MYO7A: variants seen among roughly 807,000 people sequenced by gnomAD.
MYO7A encodes the protein unconventional myosin-VIIa.
Under a neutral mutation model 263.8 loss-of-function variants are expected in MYO7A, and 210 were observed. The ratio of observed to expected loss-of-function variants is 0.80; its 90% CI spans 0.71 to 0.89. The LOEUF (loss-of-function observed/expected upper bound fraction) is 0.89, where lower values mean the gene tolerates loss of function less well. Ranked by LOEUF, MYO7A falls within the 40% of genes least tolerant of loss-of-function variation. MYO7A has a pLI of 0.00. For missense variants in MYO7A, 2,820 were observed against 2,968.3 expected, an observed-to-expected ratio of 0.95 and a Z score of 1.16; for synonymous variants, 1,239 against 1,197.3, an observed-to-expected ratio of 1.03 and a Z score of -0.72.
chr11:77,194,132 C>A (rs1451316171), intron 31 of MYO7A: 4 of 697,998 alleles, frequency 5.7e-6, no homozygotes, highest in Non-Finnish European at 1.0e-5. Flanking sequence ...CCAGAGGGAT[C>A]CAGGAGAAGG....
At chr11:77,209,859 A>ACCC (rs1443716262) in intron 44 of MYO7A, among the ~76,000 whole-genome samples, 4 of 151,996 alleles carry the variant, frequency 2.6e-5, no homozygotes, top group Non-Finnish European at 5.9e-5. Flanking sequence ...GTAGGGCATA[A>ACCC]CCCCCGTCCT....
chr11:77,207,213 C>T (rs1957498316), intron 41 of MYO7A, 76 bp from the exon 42 acceptor site: 2 of 1,021,090 alleles, frequency 2.0e-6, no homozygotes, highest in Admixed American at 4.1e-5. Context: ...GTATAGGAGG[C>T]ATAGCCAGAG....
intron 16 of MYO7A, among the ~76,000 whole-genome samples, chr11:77,173,694 G>T (rs1038222029): frequency 1.3e-5 from 2 of 152,148 alleles, no homozygotes; most frequent in Admixed American, 1.3e-4. Context: ...GAAGGCCGGG[G>T]AAAGTGGCCC....
chr11:77,156,124 G>C (rs1555061971), intron 5 of MYO7A, 33 bp downstream of exon 5: 1 of 1,607,530 alleles, frequency 6.2e-7, no homozygotes, highest in Admixed American at 1.7e-5. Context: ...GGAGCTCCAG[G>C]CTTAGGACCT....
At position 77,138,812 on chromosome 11, in the gene MYO7A, G is replaced by A. The variant is rs1205209524; in HGVS notation, c.19-3897G>A. 1.3e-5 allele frequency among the ~76,000 whole-genome samples: 2 copies of A among 152,236 alleles called. No individual in the cohort carries two copies. Among genetic ancestry groups the A allele is most frequent in the African/African-American group, 4.8e-5 (2 of 41,466 alleles). ...TGGTCTCCTCTCCAAACTATGTTTA[G>A]CAACTAGACACTAGCAAGATGCTTG... On this transcript the variant is annotated intron_variant, in intron 2 of 48. Transcript: ENST00000409709. The surrounding 1 kb of genome is among the most constrained non-coding windows in gnomAD (Gnocchi z 4.9).
chr11:77,192,231 C>T lies in MYO7A; in HGVS notation c.4105C>T (p.Gln1369Ter), dbSNP rs1565440205. 2.5e-6 allele frequency: 4 copies of T among 1,614,056 alleles called. No homozygotes were observed. Among genetic ancestry groups the T allele is most frequent in the Non-Finnish European group, 3.4e-6 (4 of 1,179,904 alleles). ...CAACGTGGCCACCAACCTCATCTAC[C>T]AGCAGGTGGTGCGAGGAGTCAAGTT... ...EDNVATNLIY[Q>*]QVVRGVKFGE... Residue 1369 changes from glutamine (Q) to a stop codon, truncating the protein, a stop_gained, in exon 31 of 49, where the codon CAG (glutamine) becomes TAG (stop). Coordinates refer to ENST00000409709, the MANE Select transcript of MYO7A (RefSeq NM_000260.4). LOFTEE classifies it high-confidence loss of function.
At chr11:77,204,744 C>G (rs1013481855) in intron 39 of MYO7A, among the ~76,000 whole-genome samples, 1 of 152,222 alleles carries the variant, frequency 6.6e-6, no homozygotes, top group Non-Finnish European at 1.5e-5. Flanking sequence ...GCTCCACCCT[C>G]TCTCCTTACA....
intron 27 of MYO7A, among the ~76,000 whole-genome samples, chr11:77,186,471 C>T (rs1223878863): frequency 6.6e-6 from 1 of 152,208 alleles, no homozygotes. Context: ...TCTAGCTAGA[C>T]CTTCTGGAAA....
intron 2 of MYO7A, 194 bp from the exon 3 acceptor site, chr11:77,142,515 A>G: frequency 1.5e-6 from 1 of 649,162 alleles, no homozygotes; most frequent in South Asian, 1.5e-5. Context: ...GGGGGGATTG[A>G]TGAGATTGCA....
rs3831388 is a variant in MYO7A, at chr11:77,180,262, T to TCTGCCAAATTATTTGG, written c.2587-111_2587-110insTGCCAAATTATTTGGC. 477,993 of 897,080 alleles carry TCTGCCAAATTATTTGG rather than the reference T, an allele frequency of 0.53. 130,645 individuals carry two copies. The highest frequency in any genetic ancestry group is 0.67 in the African/African-American group (39,917 of 59,980). The allele number at this position is 897,080 out of a possible 1,614,324, so 55.6% of individuals were successfully genotyped here. A position where few individuals can be genotyped will look rare whatever the true frequency, so the allele number is the denominator to read the frequency against. ...TTTCTTGATTACCTCACTTGTCCTATCAAAGTCATGCCCAGTTCCAGAACT... is the reference window on the plus strand; with the variant it reads ...TTTCTTGATTACCTCACTTGTCCTATCTGCCAAATTATTTGGCAAAGTCATGCCCAGTTCCAGAACT... On this transcript the variant is annotated intron_variant, in intron 21 of 48. Transcript: ENST00000409709.
At chr11:77,203,411 G>T (rs901085747) in intron 38 of MYO7A, among the ~76,000 whole-genome samples, 194 bp downstream of exon 38, 7 of 152,198 alleles carry the variant, frequency 4.6e-5, no homozygotes, top group Non-Finnish European at 8.8e-5. Flanking sequence ...CTGTCATTTG[G>T]GTGCCAGGTG....
chr11:77,162,166 T>A lies in MYO7A; in HGVS notation c.1390T>A (p.Phe464Ile). 1 of 1,604,210 alleles carries A rather than the reference T, an allele frequency of 6.2e-7. No individual in the cohort carries two copies. Among genetic ancestry groups the A allele is most frequent in the Non-Finnish European group, 8.5e-7 (1 of 1,175,512 alleles). The change falls in exon 13 of 49, where the codon TTC becomes ATC. Residue 464 changes from phenylalanine to isoleucine, a missense_variant. Coordinates refer to ENST00000409709, the MANE Select transcript of MYO7A (RefSeq NM_000260.4). ...CTTCGCCAATGAGCACCTGCAGCAG[T>A]TCTTTGTGCGGCACGTGTTCAAGCT... is the stretch of plus-strand genomic sequence containing the variant. ...INFANEHLQQFFVRHVFKLEQ... is the reference protein window; with the variant it reads ...INFANEHLQQIFVRHVFKLEQ...
intron 33 of MYO7A, among the ~76,000 whole-genome samples, chr11:77,198,119 ACTGGGCAC>A (rs1956800659): frequency 1.3e-5 from 2 of 152,336 alleles, no homozygotes; most frequent in African/African-American, 4.8e-5. Context: ...GGCCATCGTT[ACTGGGCAC>A]CTGCTGTGTG....
At chr11:77,139,258 C>T (rs1448027244) in intron 2 of MYO7A, 3 of 152,260 alleles carry the variant, frequency 2.0e-5, no homozygotes, top group Non-Finnish European at 2.9e-5. Flanking sequence ...TGCTGGCTTT[C>T]CTGGGGGGAG....
chr11:77,181,563 G>T lies in MYO7A; in HGVS notation c.2878G>T (p.Glu960Ter), dbSNP rs782131913. 2 of 1,613,334 alleles carry T rather than the reference G, an allele frequency of 1.2e-6. No homozygotes were observed. Among genetic ancestry groups the T allele is most frequent in the Non-Finnish European group, 1.7e-6 (2 of 1,179,856 alleles). The change falls in exon 23 of 49, where the codon GAG (glutamate) becomes TAG (stop). Residue 960 changes from glutamate to a stop codon, truncating the protein, a stop_gained. Transcript: ENST00000409709. LOFTEE classifies it high-confidence loss of function. ...GACTTCAGGTGGCCTGCCAGGCCAG[G>T]AGGGCCAGGCACCTAGTGGCTTTGA... ...LGTSGGLPGQ[E>*]GQAPSGFEDL...
chr11:77,180,461 G>A lies in MYO7A; in HGVS notation c.2674G>A (p.Glu892Lys), dbSNP rs1555083449. The change falls in exon 22 of 49, where the codon GAG (glutamate) becomes AAG (lysine). Residue 892 changes from glutamate to lysine, a missense_variant. Coordinates refer to ENST00000409709, the MANE Select transcript of MYO7A (RefSeq NM_000260.4). ...GATGAGCGCCAAGAAGGCCAAGGAG[G>A]AGGCCGAGCGCAAGCATCAGGTGAG... is the stretch of plus-strand genomic sequence containing the variant. ...KEMSAKKAKE[E>K]AERKHQERLA... The A allele has an allele frequency of 6.2e-7, 1 of 1,612,274 alleles. No individual in the cohort carries two copies. The highest frequency in any genetic ancestry group is 1.7e-5 in the Admixed American group (1 of 59,992).
At chr11:77,203,253 G>A (rs1196324954) in intron 38 of MYO7A, 36 bp downstream of exon 38, 1 of 1,541,520 alleles carries the variant, frequency 6.5e-7, no homozygotes, top group Non-Finnish European at 8.8e-7. Flanking sequence ...AGGGGAGCCA[G>A]GGACCGGGCA....
At position 77,151,475 on chromosome 11, in the gene MYO7A, G is replaced by A. The variant is rs1469076440; in HGVS notation, c.285+3525G>A. On this transcript the variant is annotated intron_variant, in intron 4 of 48. Coordinates refer to ENST00000409709, the MANE Select transcript of MYO7A (RefSeq NM_000260.4). Reference sequence around the variant, plus strand: ...AAATGCTAACGAAGTCCCCAGAGCCGACAGGCCTGGGCACTTCCTGGAGGA... The same window carrying A: ...AAATGCTAACGAAGTCCCCAGAGCCAACAGGCCTGGGCACTTCCTGGAGGA... 2.6e-5 allele frequency among the ~76,000 whole-genome samples: 4 copies of A among 152,128 alleles called. 1 individual carries two copies. The South Asian group carries it at 6.2e-4, about 24-fold the overall frequency.
rs543757987 is a variant in MYO7A, at chr11:77,155,739, T to C, written c.286-168T>C. ...AGACCCAGTGCTGGACAGAAGGCCC[T>C]GCCCCAGCTCCTAAGGAGGCCCGAT... On this transcript the variant is annotated intron_variant, in intron 4 of 48. Transcript: ENST00000409709. 2.0e-5 allele frequency among the ~76,000 whole-genome samples: 3 copies of C among 152,330 alleles called. No individual in the cohort carries two copies. In the East Asian group the frequency reaches 5.8e-4, roughly 29 times the overall value.
Sources: gnomAD v4.1 joint callset for allele counts (sites outside exome capture counted in the v4.1 genomes callset) on GRCh38, gnomAD v4.1.1 for gene constraint, Gnocchi (gnomAD v3.1) non-coding constraint, MANE v1.5 for transcripts, NCBI Gene and HGNC (gene_info 2026-07-23, HGNC 2026-07-21) for gene names.